Variants in CDH20 observed in about 807,000 individuals in gnomAD.
The protein encoded by CDH20 is cadherin-20.
A neutral mutation model predicts 74.2 loss-of-function variants in CDH20; 29 were observed. That is an observed-to-expected ratio of 0.39 (90% confidence interval 0.29 to 0.53). The LOEUF (loss-of-function observed/expected upper bound fraction) is 0.53. CDH20 is among the 20% of genes least tolerant of loss of function. The pLI, the probability that CDH20 is intolerant of heterozygous loss-of-function variation, is 0.69. For missense variants in CDH20, 988 were observed against 1,048.3 expected, an observed-to-expected ratio of 0.94 and a Z score of 0.79; for synonymous variants, 469 against 405.4, an observed-to-expected ratio of 1.16 and a Z score of -1.88.
chr18:61,429,231 C>T (rs920065957), intron 1 of CDH20, among the ~76,000 whole-genome samples: 12 of 152,150 alleles, frequency 7.9e-5, no homozygotes, highest in African/African-American at 2.9e-4. Flanking sequence ...TTTTAAAGTG[C>T]TAATTCACAT....
chr18:61,529,710 G>T (rs1248812259), intron 7 of CDH20, among the ~76,000 whole-genome samples: 1 of 152,040 alleles, frequency 6.6e-6, no homozygotes, highest in East Asian at 1.9e-4. Flanking sequence ...ATCCACCATA[G>T]GCTAATTAAT....
At chr18:61,411,068 C>T (rs1298113659) in intron 1 of CDH20, among the ~76,000 whole-genome samples, 1 of 151,860 alleles carries the variant, frequency 6.6e-6, no homozygotes, top group Non-Finnish European at 1.5e-5. Context: ...GGCGTGGTGG[C>T]GGGAGCCTGT....
At chr18:61,423,564 C>T (rs1173769280) in intron 1 of CDH20, among the ~76,000 whole-genome samples, 3 of 152,094 alleles carry the variant, frequency 2.0e-5, no homozygotes, top group African/African-American at 2.4e-5. Flanking sequence ...CTGACTCTCT[C>T]TGGAAATTTC....
chr18:61,489,834 T>C (rs1050540871), intron 1 of CDH20, among the ~76,000 whole-genome samples: 6 of 152,032 alleles, frequency 3.9e-5, no homozygotes, highest in African/African-American at 1.4e-4. Flanking sequence ...GCTCAGAAAA[T>C]GATTAAAGTC....
intron 1 of CDH20, among the ~76,000 whole-genome samples, chr18:61,352,369 T>C (rs1269884546): frequency 6.6e-6 from 1 of 152,234 alleles, no homozygotes; most frequent in Non-Finnish European, 1.5e-5. Context: ...AGATCACATA[T>C]GGCAAGAGTG....
intron 1 of CDH20, among the ~76,000 whole-genome samples, chr18:61,436,877 C>T (rs572322473): frequency 1.3e-5 from 2 of 152,216 alleles, no homozygotes; most frequent in East Asian, 1.9e-4. Flanking sequence ...AAAGTACAGC[C>T]TGGGACAATA....
intron 1 of CDH20, among the ~76,000 whole-genome samples, chr18:61,428,548 A>G (rs76454059): frequency 0.022 from 3,291 of 152,248 alleles, 121 homozygotes; most frequent in African/African-American, 0.074. Flanking sequence ...TCCATTTCCC[A>G]TCACTGTAGA....
chr18:61,549,999 C>T lies in CDH20; in HGVS notation c.1670C>T (p.Thr557Ile). The T allele has an allele frequency of 1.9e-6, 3 of 1,614,132 alleles. No homozygotes were observed. Among genetic ancestry groups the T allele is most frequent in the Non-Finnish European group, 2.5e-6 (3 of 1,179,976 alleles). The change falls in exon 11 of 12, where the codon ACC becomes ATC. Residue 557 changes from threonine to isoleucine, a missense_variant. By Grantham distance (89) the Thr-to-Ile change is moderately conservative. This residue lies in a region of CDH20 where 613 missense variants were observed against 755.2 expected (regional missense o/e 0.81). Transcript: ENST00000262717. ...DNQDNTARIL[T>I]RRSGFRQQEQ... ...TCAGATAACACAGCACGGATTCTAA[C>T]CAGGAGGTCTGGTTTCCGGCAGCAG...
At position 61,552,309 on chromosome 18, in the gene CDH20, T is replaced by C. The variant is rs534700157; in HGVS notation, c.1901-1881T>C. On this transcript the variant is annotated intron_variant, in intron 11 of 11. Coordinates refer to ENST00000262717, the MANE Select transcript of CDH20 (RefSeq NM_031891.4). ...TCTTCTGTCAGAGAAGCCTTTCAGCTGAATAAGACCATTTTCCTCAAAATC... is the reference window on the plus strand; with the variant it reads ...TCTTCTGTCAGAGAAGCCTTTCAGCCGAATAAGACCATTTTCCTCAAAATC... 3.8e-3 allele frequency among the ~76,000 whole-genome samples: 572 copies of C among 152,044 alleles called. 6 individuals carry two copies. The highest frequency in any genetic ancestry group is 0.013 in the African/African-American group (539 of 41,468).
chr18:61,383,496 G>A (rs952385563), intron 1 of CDH20, among the ~76,000 whole-genome samples: 5 of 152,218 alleles, frequency 3.3e-5, no homozygotes, highest in South Asian at 2.1e-4. Flanking sequence ...CAGGAGAATC[G>A]CTTGAACCCG....
Position 61,502,994 on chromosome 18 carries a change from A to G in CDH20, c.703A>G (p.Lys235Glu). 1.2e-6 allele frequency: 2 copies of G among 1,614,016 alleles called. No homozygotes were observed. Among genetic ancestry groups the G allele is most frequent in the Non-Finnish European group, 1.7e-6 (2 of 1,179,910 alleles). Reference protein sequence around the residue: ...TALMNMDREAKEYYEVIIQAK... With the variant: ...TALMNMDREAEEYYEVIIQAK... ...GCTCATGAACATGGACAGAGAAGCC[A>G]AAGAATACTACGAAGTGATTATCCA... The change falls in exon 5 of 12, where the codon AAA (lysine) becomes GAA (glutamate). Residue 235 changes from lysine to glutamate, a missense_variant. Physicochemically the swap from Lys to Glu is moderately conservative, Grantham distance 56 (BLOSUM62 1). Coordinates refer to ENST00000262717, the MANE Select transcript of CDH20 (RefSeq NM_031891.4).
chr18:61,430,953 T>C (rs1913233616), intron 1 of CDH20, among the ~76,000 whole-genome samples: 1 of 152,158 alleles, frequency 6.6e-6, no homozygotes, highest in African/African-American at 2.4e-5. Flanking sequence ...TAGGTGTGCT[T>C]GTATTTACAA....
intron 1 of CDH20, among the ~76,000 whole-genome samples, chr18:61,450,405 A>T (rs1041338036): frequency 2.2e-4 from 31 of 139,930 alleles, no homozygotes; most frequent in African/African-American, 4.7e-4. Context: ...AAAAAAAAAA[A>T]CTTTTTACTT....
At chr18:61,486,364 T>C (rs1707114334) in intron 1 of CDH20, among the ~76,000 whole-genome samples, 1 of 152,206 alleles carries the variant, frequency 6.6e-6, no homozygotes, top group African/African-American at 2.4e-5. Flanking sequence ...GGAATATTAT[T>C]GTTTGTGAAC....
intron 1 of CDH20, among the ~76,000 whole-genome samples, chr18:61,449,035 C>T (rs141983148): frequency 6.6e-6 from 1 of 152,302 alleles, no homozygotes; most frequent in Non-Finnish European, 1.5e-5. Context: ...CTTTCAACAT[C>T]ATTGCCCCAT....
At chr18:61,378,896 G>C (rs1485572957) in intron 1 of CDH20, among the ~76,000 whole-genome samples, 1 of 151,904 alleles carries the variant, frequency 6.6e-6, no homozygotes. Flanking sequence ...AGACACTCAG[G>C]GTTGTTTGCC....
chr18:61,348,775 A>G (rs529943272), intron 1 of CDH20, among the ~76,000 whole-genome samples: 2 of 152,318 alleles, frequency 1.3e-5, no homozygotes, highest in South Asian at 4.1e-4. Context: ...GAACATTCGG[A>G]GGGGAATTGG....
intron 7 of CDH20, among the ~76,000 whole-genome samples, chr18:61,531,294 C>T (rs770436557): frequency 1.3e-5 from 2 of 152,164 alleles, no homozygotes; most frequent in Non-Finnish European, 2.9e-5. Context: ...CTCTCCCATG[C>T]GACATTCACT....
intron 6 of CDH20, among the ~76,000 whole-genome samples, chr18:61,512,987 G>A (rs1255561309): frequency 6.6e-6 from 1 of 152,038 alleles, no homozygotes; most frequent in Non-Finnish European, 1.5e-5. Context: ...CTGTTGATTT[G>A]GGGTGGAGAG....
Sources: gnomAD v4.1 joint callset for allele counts (sites outside exome capture counted in the v4.1 genomes callset) on GRCh38, gnomAD v4.1.1 for gene constraint, gnomAD v4.1.1 regional missense constraint, MANE v1.5 for transcripts, NCBI Gene and HGNC (gene_info 2026-07-23, HGNC 2026-07-21) for gene names.